The following ZFYVE19 variants were observed in gnomAD, a reference collection of about 807,000 sequenced individuals.
The protein encoded by ZFYVE19 is abscission/NoCut checkpoint regulator.
In ZFYVE19, 49 loss-of-function variants were observed where a neutral mutation model predicts 62.8. That is an observed-to-expected ratio of 0.78 (90% CI 0.62 to 0.99). The LOEUF (loss-of-function observed/expected upper bound fraction) is 0.99. ZFYVE19 is among the 50% of genes least tolerant of loss of function. ZFYVE19 has a pLI of 0.00. For missense variants in ZFYVE19, 630 were observed against 601.9 expected (o/e 1.05, Z -0.49); for synonymous variants, 242 against 234.3 (o/e 1.03, Z -0.30).
chr15:40,808,368 G>A (rs1241746751), intron 1 of ZFYVE19: 8 of 1,596,974 alleles, frequency 5.0e-6, no homozygotes, highest in Non-Finnish European at 6.8e-6. Context: ...GATTCCTCTG[G>A]TAAACTGCAG....
chr15:40,809,552 C>G (rs1203741853), intron 3 of ZFYVE19, 94 bp downstream of exon 3: 1 of 1,466,636 alleles, frequency 6.8e-7, no homozygotes, highest in African/African-American at 1.4e-5. Flanking sequence ...ATAAAATGAG[C>G]ACAGAATCAG....
At chr15:40,809,806 C>T in intron 3 of ZFYVE19, 46 bp from the exon 4 acceptor site, 1 of 1,589,288 alleles carries the variant, frequency 6.3e-7, no homozygotes, top group Non-Finnish European at 8.6e-7. Flanking sequence ...TGCCTTCACT[C>T]TTCCCCTCTG....
chr15:40,812,008 A>G (rs916727768), intron 6 of ZFYVE19, among the ~76,000 whole-genome samples: 3 of 152,222 alleles, frequency 2.0e-5, no homozygotes, highest in Non-Finnish European at 4.4e-5. Context: ...AAAGGCAAAG[A>G]GATCGGCTGA....
rs147737352 is a variant in ZFYVE19 at position 40,807,379 on chromosome 15, G to A, written c.-211G>A. The A allele has an allele frequency of 1.2e-6, 2 of 1,614,260 alleles. No individual in the cohort carries two copies. Among genetic ancestry groups the A allele is most frequent in the Middle Eastern group, 1.6e-4 (1 of 6,062 alleles). On this transcript the variant is annotated 5_prime_UTR_variant, in exon 1 of 11. Transcript: ENST00000355341. ...CGCCACCGTTCTCACCTCTTTGTCC[G>A]CTGCCTTCTCCTCAATGCCTAGCAG... is the stretch of plus-strand genomic sequence containing the variant.
In ZFYVE19 at chr15:40,807,752, AG is replaced by A. The variant is rs1218923691; in HGVS notation, c.167del (p.Gly56AlafsTer53). On this transcript the variant is annotated frameshift_variant, in exon 1 of 11. Transcript: ENST00000355341. LOFTEE classifies it high-confidence loss of function. ...REGRSWGEGPRGPGLGRRDLS... is the reference protein window; with the variant it reads ...REGRSWGEGPXGPGLGRRDLS... Reference sequence around the variant, plus strand: ...AGGGCGGAGCTGGGGTGAGGGTCCAAGGGGCCCAGGACTTGGCCGGCGTGAT... The same window carrying A: ...AGGGCGGAGCTGGGGTGAGGGTCCAAGGGCCCAGGACTTGGCCGGCGTGAT... 1 of 1,590,224 alleles carries A rather than the reference AG, an allele frequency of 6.3e-7. No individual in the cohort carries two copies. The highest frequency in any genetic ancestry group is 1.7e-5 in the Admixed American group (1 of 58,516).
rs1402001179 is a variant in ZFYVE19 at position 40,807,459 on chromosome 15, A to T, written c.-131A>T. 1 of 1,614,130 alleles carries T rather than the reference A, an allele frequency of 6.2e-7. No homozygotes were observed. Among genetic ancestry groups the T allele is most frequent in the East Asian group, 2.2e-5 (1 of 44,886 alleles). On this transcript the variant is annotated 5_prime_UTR_variant, in exon 1 of 11. The change abolishes the stop of an existing upstream ORF in the 5' untranslated region. Coordinates refer to ENST00000355341, the MANE Select transcript of ZFYVE19 (RefSeq NM_001077268.2). ...TGGTCACTGCCATGGTTCCGGCCTG[A>T]CGGATTCGTACTACAACTCCCAAGA...
At chr15:40,807,942 G>C in intron 1 of ZFYVE19, 74 bp downstream of exon 1, 1 of 1,532,224 alleles carries the variant, frequency 6.5e-7, no homozygotes, top group Non-Finnish European at 8.8e-7. Context: ...AACGTCCAAA[G>C]ACTTGGTCTT....
At position 40,810,206 on chromosome 15, in the gene ZFYVE19, C is replaced by A; in HGVS notation, c.707C>A (p.Thr236Asn). 6.2e-7 allele frequency: 1 copy of A among 1,614,070 alleles called. No individual in the cohort carries two copies. The highest frequency in any genetic ancestry group is 1.3e-5 in the African/African-American group (1 of 75,030). ...ALQGRVLPSQ[T>N]PQPAHHTPDT... ...CAGGGCAGAGTTCTACCTTCTCAAA[C>A]CCCCCAGCCGGTGAGTGTTATGGCT... Residue 236 changes from threonine (T) to asparagine (N), a missense_variant, in exon 5 of 11, where the codon ACC (threonine) becomes AAC (asparagine). Transcript: ENST00000355341.
At position 40,807,361 on chromosome 15, in the gene ZFYVE19, G is replaced by A. The variant is rs1784040231; in HGVS notation, c.-229G>A. 11 of 1,614,134 alleles carry A rather than the reference G, an allele frequency of 6.8e-6. No homozygotes were observed. The highest frequency in any genetic ancestry group is 4.0e-5 in the African/African-American group (3 of 74,948). On this transcript the variant is annotated 5_prime_UTR_variant, in exon 1 of 11. Coordinates refer to ENST00000355341, the MANE Select transcript of ZFYVE19 (RefSeq NM_001077268.2). ...CTCAAGATCAGCCTTCCTCGCCACCGTTCTCACCTCTTTGTCCGCTGCCTT... is the reference window on the plus strand; with the variant it reads ...CTCAAGATCAGCCTTCCTCGCCACCATTCTCACCTCTTTGTCCGCTGCCTT...
At position 40,812,912 on chromosome 15, in the gene ZFYVE19, G is replaced by A. The variant is rs375252804; in HGVS notation, c.1030+10G>A. ...CAGGACCCCGAGAGAGGTGAAGGCT[G>A]GGGAGCAGCTGCTCACTGGTATCCC... On this transcript the variant is annotated intron_variant, in intron 7 of 10. Coordinates refer to ENST00000355341, the MANE Select transcript of ZFYVE19 (RefSeq NM_001077268.2). 1.9e-4 allele frequency: 307 copies of A among 1,607,924 alleles called. 6 individuals carry two copies. In the South Asian group the frequency reaches 3.0e-3, roughly 16 times the overall value.
chr15:40,809,875 A>G lies in ZFYVE19; in HGVS notation c.476A>G (p.Lys159Arg). ...YKKRVAALEA[K>R]QKPSTSQSQG... is the part of the protein sequence containing the mutation. ...AGGCGTGTGGCAGCCTTGGAAGCCA[A>G]GCAAAAGCCCAGCACTTCCCAGAGC... Residue 159 changes from lysine to arginine, a missense_variant, in exon 4 of 11, where the codon AAG becomes AGG. Coordinates refer to ENST00000355341, the MANE Select transcript of ZFYVE19 (RefSeq NM_001077268.2). The G allele has an allele frequency of 6.2e-7, 1 of 1,614,218 alleles. No homozygotes were observed. The highest frequency in any genetic ancestry group is 8.5e-7 in the Non-Finnish European group (1 of 1,180,044).
rs1044944636 is a variant in ZFYVE19, at chr15:40,807,455, C to T, written c.-135C>T. The stretch of plus-strand genomic sequence containing the variant: ...TCCTTGGTCACTGCCATGGTTCCGG[C>T]CTGACGGATTCGTACTACAACTCCC... On this transcript the variant is annotated 5_prime_UTR_variant, in exon 1 of 11. Coordinates refer to ENST00000355341, the MANE Select transcript of ZFYVE19 (RefSeq NM_001077268.2). The T allele has an allele frequency of 1.2e-6, 2 of 1,614,062 alleles. No individual in the cohort carries two copies. Among genetic ancestry groups the T allele is most frequent in the Non-Finnish European group, 1.7e-6 (2 of 1,180,002 alleles).
chr15:40,813,418 G>A lies in ZFYVE19; in HGVS notation c.1110+1G>A, dbSNP rs1890560038. The A allele has an allele frequency of 6.2e-7, 1 of 1,601,050 alleles. No homozygotes were observed. The highest frequency in any genetic ancestry group is 8.5e-7 in the Non-Finnish European group (1 of 1,173,856). On this transcript the variant is annotated splice_donor_variant, in intron 8 of 10. Coordinates refer to ENST00000355341, the MANE Select transcript of ZFYVE19 (RefSeq NM_001077268.2). LOFTEE classifies it high-confidence loss of function. ...AGCCATCCAAAGAGTCCTGCAGCAG[G>A]TGGGCCTGGATTACCCACCTGCCAC... is the stretch of plus-strand genomic sequence containing the variant.
chr15:40,809,329 C>T, intron 2 of ZFYVE19, 79 bp from the exon 3 acceptor site: 2 of 1,613,466 alleles, frequency 1.2e-6, no homozygotes, highest in East Asian at 2.2e-5. Flanking sequence ...TCGCGAGAGT[C>T]AGCCGAGGAA....
At position 40,810,735 on chromosome 15, in the gene ZFYVE19, A is replaced by G; in HGVS notation, c.804A>G (p.Glu268=). The change falls in exon 6 of 11, where the codon GAA becomes GAG. Residue 268 remains glutamate (E), a synonymous_variant. Coordinates refer to ENST00000355341, the MANE Select transcript of ZFYVE19 (RefSeq NM_001077268.2). ...TQLAAEVAID[E]SWKGGGPAAS... ...TGGCAGCTGAGGTGGCTATCGATGA[A>G]AGCTGGAAAGGAGGAGGCCCAGGTA... 6.4e-7 allele frequency: 1 copy of G among 1,564,698 alleles called. No homozygotes were observed. Among genetic ancestry groups the G allele is most frequent in the Non-Finnish European group, 8.7e-7 (1 of 1,154,216 alleles).
chr15:40,810,062 C>G lies in ZFYVE19; in HGVS notation c.572-9C>G. ...GGCCCTTACAAGGCTCCCCCCATGC[C>G]AATTGCAGAGTTAGTCCCCTCACAG... On this transcript the variant is annotated splice_polypyrimidine_tract_variant and intron_variant, in intron 4 of 10. Coordinates refer to ENST00000355341, the MANE Select transcript of ZFYVE19 (RefSeq NM_001077268.2). 1 of 1,614,156 alleles carries G rather than the reference C, an allele frequency of 6.2e-7. No individual in the cohort carries two copies. The highest frequency in any genetic ancestry group is 1.1e-5 in the South Asian group (1 of 91,082).
rs375584573 is a variant in ZFYVE19 at position 40,810,080 on chromosome 15, C to A, written c.581C>A (p.Pro194His). Residue 194 changes from proline to histidine, a missense_variant, in exon 5 of 11, where the codon CCC (proline) becomes CAC (histidine). Transcript: ENST00000355341. The stretch of plus-strand genomic sequence containing the variant: ...CCCATGCCAATTGCAGAGTTAGTCC[C>A]CTCACAGGCAGAGATAGAGGCACGG... Reference protein sequence around the residue: ...LRQENKPKLVPSQAEIEARLA... With the variant: ...LRQENKPKLVHSQAEIEARLA... The A allele has an allele frequency of 1.3e-5, 21 of 1,614,190 alleles. No homozygotes were observed. In the African/African-American group the frequency reaches 2.7e-4, roughly 20 times the overall value.
Position 40,809,239 on chromosome 15 carries a change from A to G in ZFYVE19, c.400A>G (p.Arg134Gly), listed in dbSNP as rs373625214. Residue 134 changes from arginine (R) to glycine (G), a missense_variant and splice_region_variant, in exon 2 of 11, where the codon AGA becomes GGA. Arg to Gly is a moderately radical substitution (Grantham distance 125). Coordinates refer to ENST00000355341, the MANE Select transcript of ZFYVE19 (RefSeq NM_001077268.2). ...VCKQCHEVLTRGSSANASKWS... is the reference protein window; with the variant it reads ...VCKQCHEVLTGGSSANASKWS... ...CAAGCAATGCCATGAGGTCCTGACC[A>G]GGTAAGAGGCAGGCATGGGTGAAAG... 33 of 1,613,918 alleles carry G rather than the reference A, an allele frequency of 2.0e-5. 1 individual carries two copies. In the South Asian group the frequency reaches 2.7e-4, roughly 13 times the overall value.
intron 6 of ZFYVE19, among the ~76,000 whole-genome samples, chr15:40,811,877 G>A (rs1199427585): frequency 1.3e-5 from 2 of 152,194 alleles, no homozygotes; most frequent in South Asian, 2.1e-4. Context: ...TAAACTGAAG[G>A]TGACTGTGTC....
Sources: allele counts gnomAD v4.1 joint callset (sites outside exome capture counted in the v4.1 genomes callset), GRCh38; gene constraint gnomAD v4.1.1; transcripts MANE v1.5; gene names NCBI Gene and HGNC (gene_info 2026-07-23, HGNC 2026-07-21).